NPRL3: variants seen among roughly 807,000 people sequenced by gnomAD.
NPRL3 encodes NPR3 like, GATOR1 complex subunit, also known as GATOR1 complex protein NPRL3.
In NPRL3, 23 loss-of-function variants were observed where a neutral mutation model predicts 57.2. The ratio of observed to expected loss-of-function variants is 0.40; its 90% CI spans 0.29 to 0.57. The LOEUF is 0.57. Ranked by LOEUF, NPRL3 falls within the 20% of genes least tolerant of loss-of-function variation. The pLI is 0.42. For synonymous variants in NPRL3, 333 were observed against 321.1 expected (o/e 1.04, Z -0.39); for missense variants, 691 against 767.1 (o/e 0.90, Z 1.17).
At chr16:112,326 T>G (rs1337398428) in intron 6 of NPRL3, among the ~76,000 whole-genome samples, 2 of 152,340 alleles carry the variant, frequency 1.3e-5, no homozygotes, top group Non-Finnish European at 2.9e-5. Context: ...CCAGGCACAA[T>G]CAGCCCCGTG....
chr16:108,597 A>T (rs767787865), intron 7 of NPRL3, among the ~76,000 whole-genome samples: 105 of 152,170 alleles, frequency 6.9e-4, no homozygotes, highest in Non-Finnish European at 1.1e-3. Flanking sequence ...GTTGCGGCTC[A>T]CTAGGCAGCC....
chr16:104,086 A>G (rs959083916), intron 7 of NPRL3, among the ~76,000 whole-genome samples: 3 of 151,008 alleles, frequency 2.0e-5, no homozygotes, highest in Non-Finnish European at 4.4e-5. Context: ...AGATCGTGCC[A>G]TTGCACTCCA....
intron 13 of NPRL3, among the ~76,000 whole-genome samples, chr16:88,377 G>C (rs1898592102): frequency 1.7e-5 from 2 of 116,400 alleles, no homozygotes; most frequent in African/African-American, 7.7e-5. Context: ...GACAGAGCGA[G>C]ACTCCGTCTC....
chr16:103,974 C>T (rs766287996), intron 7 of NPRL3, among the ~76,000 whole-genome samples: 1 of 152,096 alleles, frequency 6.6e-6, no homozygotes, highest in Non-Finnish European at 1.5e-5. Flanking sequence ...ATTAGCTGGG[C>T]GTGGTGGTGC....
intron 3 of NPRL3, among the ~76,000 whole-genome samples, chr16:129,858 G>T (rs537997862): frequency 6.6e-6 from 1 of 152,156 alleles, no homozygotes; most frequent in East Asian, 1.9e-4. Context: ...GGGAACCCAG[G>T]GCAGGTAACT....
intron 7 of NPRL3, among the ~76,000 whole-genome samples, chr16:103,304 T>TGTTTGTTTG (rs1899385609): frequency 3.2e-5 from 3 of 95,194 alleles, no homozygotes; most frequent in African/African-American, 1.2e-4. Flanking sequence ...TGATTTTTTT[T>TGTTTGTTTG]TTTTTTTTTT....
At position 138,139 on chromosome 16, in the gene NPRL3, C is replaced by A. The variant is rs368365304; in HGVS notation, c.118+11G>T. 26 of 1,583,702 alleles carry A rather than the reference C, an allele frequency of 1.6e-5. No homozygotes were observed. The highest frequency in any genetic ancestry group is 2.2e-5 in the Non-Finnish European group (26 of 1,164,782). On this transcript the variant is annotated intron_variant, in intron 2 of 13. Transcript: ENST00000611875. Reference sequence around the variant, plus strand: ...CCGCGAGCGCCAGGCCCCCGCCCAGCGCTCACTTACTTGTCTGGGACGCCG... The same window carrying A: ...CCGCGAGCGCCAGGCCCCCGCCCAGAGCTCACTTACTTGTCTGGGACGCCG...
intron 2 of NPRL3, among the ~76,000 whole-genome samples, chr16:131,107 G>C (rs1900769654): frequency 1.3e-5 from 2 of 152,244 alleles, no homozygotes; most frequent in Non-Finnish European, 2.9e-5. Context: ...GGCCAAGGTG[G>C]GTGGATCACC....
At chr16:108,386 C>A (rs957911429) in intron 7 of NPRL3, among the ~76,000 whole-genome samples, 2 of 152,098 alleles carry the variant, frequency 1.3e-5, no homozygotes, top group African/African-American at 4.8e-5. Flanking sequence ...GTTGGCAAAG[C>A]TCGGGGGAAG....
chr16:91,613 G>A (rs1423128864), intron 11 of NPRL3, among the ~76,000 whole-genome samples: 2 of 152,206 alleles, frequency 1.3e-5, no homozygotes, highest in African/African-American at 4.8e-5. Context: ...GGTACAACCT[G>A]GCTCAGCTCC....
intron 5 of NPRL3, among the ~76,000 whole-genome samples, 157 bp downstream of exon 5, chr16:117,144 A>G (rs1900078372): frequency 6.6e-6 from 1 of 152,222 alleles, no homozygotes; most frequent in African/African-American, 2.4e-5. Context: ...TACCAAAACA[A>G]AAAGGGGTAA....
intron 7 of NPRL3, among the ~76,000 whole-genome samples, chr16:109,875 C>T (rs1194441119): frequency 6.6e-6 from 1 of 152,192 alleles, no homozygotes; most frequent in Admixed American, 6.5e-5. Flanking sequence ...GCTCAGATCC[C>T]TTGTTCATTC....
At chr16:94,029 T>C (rs527928170) in intron 9 of NPRL3, among the ~76,000 whole-genome samples, 2 of 152,060 alleles carry the variant, frequency 1.3e-5, no homozygotes, top group South Asian at 4.2e-4. Context: ...CTTAGCTGGA[T>C]GTCCTGGCAG....
intron 7 of NPRL3, among the ~76,000 whole-genome samples, chr16:102,369 A>AG (rs1596511065): frequency 6.6e-6 from 1 of 152,084 alleles, no homozygotes; most frequent in African/African-American, 2.4e-5. Context: ...TCCAGGCAAC[A>AG]GGGGGGATCT....
At chr16:129,377 C>T (rs1183992924) in intron 3 of NPRL3, among the ~76,000 whole-genome samples, 1 of 152,198 alleles carries the variant, frequency 6.6e-6, no homozygotes, top group Non-Finnish European at 1.5e-5. Flanking sequence ...AAGACAACCA[C>T]AGGCCTCTAC....
intron 5 of NPRL3, among the ~76,000 whole-genome samples, chr16:114,814 G>A (rs1229573272): frequency 6.6e-6 from 1 of 152,064 alleles, no homozygotes; most frequent in Non-Finnish European, 1.5e-5. Context: ...GAAGTATGTA[G>A]GGATGAACAG....
intron 7 of NPRL3, among the ~76,000 whole-genome samples, chr16:103,421 G>A (rs1220838480): frequency 1.4e-5 from 2 of 146,886 alleles, no homozygotes; most frequent in South Asian, 2.2e-4. Flanking sequence ...GATTACAGGC[G>A]TGAGCCACCG....
chr16:127,425 G>A (rs1187361736), intron 3 of NPRL3, among the ~76,000 whole-genome samples: 1 of 151,788 alleles, frequency 6.6e-6, no homozygotes, highest in Non-Finnish European at 1.5e-5. Flanking sequence ...TGTAGAGATG[G>A]GGTTTCGTCA....
chr16:130,267 T>G (rs1596539509), intron 3 of NPRL3, among the ~76,000 whole-genome samples: 1 of 152,210 alleles, frequency 6.6e-6, no homozygotes, highest in Non-Finnish European at 1.5e-5. Context: ...CACGTGGACA[T>G]GGCCTCATCT....
Sources: gnomAD v4.1 joint callset for allele counts (sites outside exome capture counted in the v4.1 genomes callset) on GRCh38, gnomAD v4.1.1 for gene constraint, MANE v1.5 for transcripts, NCBI Gene and HGNC (gene_info 2026-07-23, HGNC 2026-07-21) for gene names.